Variants in METTL2A observed in about 807,000 individuals in gnomAD.
METTL2A encodes the protein methyltransferase 2A, tRNA N3-cytidine, also known as tRNA N(3)-cytidine methyltransferase METTL2A.
Under a neutral mutation model 49.4 loss-of-function variants are expected in METTL2A, and 45 were observed. The observed-to-expected ratio is 0.91, with a 90% confidence interval of 0.72 to 1.17. The LOEUF (loss-of-function observed/expected upper bound fraction) is 1.17, where lower values mean the gene tolerates loss of function less well. Among genes scored for constraint, METTL2A ranks in the 50% most tolerant of loss-of-function variants. The probability of loss-of-function intolerance (pLI) is 0.00; values close to 1 mark genes in which losing one functional copy is unlikely to be tolerated. For missense variants in METTL2A, 361 were observed against 462.2 expected, an observed-to-expected ratio of 0.78 and a Z score of 2.01; for synonymous variants, 118 against 167.5, an observed-to-expected ratio of 0.70 and a Z score of 2.28.
At position 62,448,856 on chromosome 17, in the gene METTL2A, T is replaced by G; in HGVS notation, c.*127T>G. 1.4e-6 allele frequency: 2 copies of G among 1,462,834 alleles called. No homozygotes were observed. Among genetic ancestry groups the G allele is most frequent in the East Asian group, 4.7e-5 (2 of 42,750 alleles). The allele number at this position is 1,462,834 out of a possible 1,614,324, so 90.6% of individuals were successfully genotyped here. ...ACTCAGGAGGCTGAGGCGGGGAGGA[T>G]CCATTGAGCCCAGCAGTCCAACCTG... On this transcript the variant is annotated 3_prime_UTR_variant, in exon 9 of 9. Transcript: ENST00000311506.
At chr17:62,447,383 G>A (rs1379564423) in intron 7 of METTL2A, among the ~76,000 whole-genome samples, 1 of 152,184 alleles carries the variant, frequency 6.6e-6, no homozygotes, top group African/African-American at 2.4e-5. Context: ...TCACGCCATT[G>A]CACCCAGCCT....
chr17:62,424,244 C>T lies in METTL2A; in HGVS notation c.136C>T (p.Gln46Ter). The change falls in exon 2 of 9, where the codon CAA becomes TAA. Residue 46 changes from glutamine to a stop codon, truncating the protein, a stop_gained. Coordinates refer to ENST00000311506, the MANE Select transcript of METTL2A (RefSeq NM_181725.4). LOFTEE classifies it high-confidence loss of function. ...AWDNVEWSEE[Q>*]AAAAERKVQE... ...GGACAATGTGGAGTGGTCGGAAGAG[C>T]AAGCCGCGGCGGCGGAGAGAAAAGT... The T allele has an allele frequency of 6.2e-7, 1 of 1,614,104 alleles. No individual in the cohort carries two copies. Among genetic ancestry groups the T allele is most frequent in the Non-Finnish European group, 8.5e-7 (1 of 1,180,000 alleles).
At chr17:62,428,114 A>T (rs1032777251) in intron 4 of METTL2A, among the ~76,000 whole-genome samples, 4 of 152,126 alleles carry the variant, frequency 2.6e-5, no homozygotes, top group African/African-American at 9.7e-5. Context: ...TTTTAATTTG[A>T]TTATCTTTGT....
intron 4 of METTL2A, among the ~76,000 whole-genome samples, chr17:62,433,709 C>T (rs894181259): frequency 6.6e-6 from 1 of 150,432 alleles, no homozygotes; most frequent in African/African-American, 2.5e-5. Flanking sequence ...CACTGTACTC[C>T]AGCCTGGGTG....
Position 62,439,214 on chromosome 17 carries a change from C to T in METTL2A, c.670-1403C>T, listed in dbSNP as rs1405988635. Among the ~76,000 whole-genome samples, 3 of 151,640 alleles carry T rather than the reference C, an allele frequency of 2.0e-5. No individual in the cohort carries two copies. In the South Asian group the frequency reaches 6.2e-4, roughly 32 times the overall value. On this transcript the variant is annotated intron_variant, in intron 5 of 8. Coordinates refer to ENST00000311506, the MANE Select transcript of METTL2A (RefSeq NM_181725.4). ...CAGGCTGGTTTTGAACTCCTGACCT[C>T]AGGTAATCCTCCCACCTCGACCTCC...
At chr17:62,439,874 G>A (rs1430244613) in intron 5 of METTL2A, among the ~76,000 whole-genome samples, 1 of 152,048 alleles carries the variant, frequency 6.6e-6, no homozygotes, top group Non-Finnish European at 1.5e-5. Context: ...ATAAAAGTAG[G>A]GGAGTCAGGA....
intron 5 of METTL2A, among the ~76,000 whole-genome samples, chr17:62,438,840 C>T (rs1424226398): frequency 6.6e-6 from 1 of 152,040 alleles, no homozygotes; most frequent in East Asian, 1.9e-4. Flanking sequence ...TGTTTTGAGA[C>T]AGGGTCTCAG....
At chr17:62,428,125 C>G (rs2070640728) in intron 4 of METTL2A, among the ~76,000 whole-genome samples, 1 of 152,216 alleles carries the variant, frequency 6.6e-6, no homozygotes, top group Non-Finnish European at 1.5e-5. Flanking sequence ...TTATCTTTGT[C>G]ATTTGGAAAA....
In METTL2A at chr17:62,435,311, T is replaced by C. The variant is rs2070693732; in HGVS notation, c.669+19T>C. The stretch of plus-strand genomic sequence containing the variant: ...GGTCCAGGTGAGTACAATGGGAAAT[T>C]ACCTATTGGTAATTTCCACTGATTA... On this transcript the variant is annotated intron_variant, in intron 5 of 8. Coordinates refer to ENST00000311506, the MANE Select transcript of METTL2A (RefSeq NM_181725.4). 1.2e-6 allele frequency: 2 copies of C among 1,613,952 alleles called. No homozygotes were observed. The highest frequency in any genetic ancestry group is 2.2e-5 in the South Asian group (2 of 91,062).
chr17:62,439,356 C>T (rs1443348329), intron 5 of METTL2A, among the ~76,000 whole-genome samples: 1 of 152,210 alleles, frequency 6.6e-6, no homozygotes, highest in Non-Finnish European at 1.5e-5. Flanking sequence ...CCTCCTGCCT[C>T]AGCCTCCCAG....
At position 62,444,911 on chromosome 17, in the gene METTL2A, G is replaced by T. The variant is rs375815689; in HGVS notation, c.884G>T (p.Arg295Leu). The stretch of plus-strand genomic sequence containing the variant: ...ATGATGCTTCTGCGAGATTACGGCC[G>T]CTATGACATGGCTCAGCTTCGGTTT... ...GGMMLLRDYG[R>L]YDMAQLRFKK... The change falls in exon 7 of 9, where the codon CGC becomes CTC. Residue 295 changes from arginine (R) to leucine (L), a missense_variant. This residue lies in a region of METTL2A where 183 missense variants were observed against 216.5 expected (regional missense o/e 0.85). Transcript: ENST00000311506. 2.4e-5 allele frequency: 38 copies of T among 1,613,780 alleles called. No homozygotes were observed. In the African/African-American group the frequency reaches 4.0e-4, roughly 17 times the overall value.
chr17:62,435,695 G>A (rs2070695916), intron 5 of METTL2A, among the ~76,000 whole-genome samples: 1 of 152,028 alleles, frequency 6.6e-6, no homozygotes, highest in Admixed American at 6.6e-5. Context: ...TGTGTAAGAC[G>A]GTCAACTTAA....
At chr17:62,435,485 C>A (rs896957432) in intron 5 of METTL2A, among the ~76,000 whole-genome samples, 193 bp downstream of exon 5, 17 of 152,184 alleles carry the variant, frequency 1.1e-4, no homozygotes, top group Non-Finnish European at 2.2e-4. Context: ...GATGTCGTAT[C>A]TGTTCATATA....
intron 4 of METTL2A, chr17:62,434,940 G>T (rs11658251): frequency 1.3e-4 from 54 of 411,540 alleles, no homozygotes; most frequent in Non-Finnish European, 2.0e-4. Flanking sequence ...ATCAAGCAAG[G>T]CTTCATTTGA....
chr17:62,429,508 C>G (rs1479091697), intron 4 of METTL2A, among the ~76,000 whole-genome samples: 1 of 152,076 alleles, frequency 6.6e-6, no homozygotes, highest in Non-Finnish European at 1.5e-5. Context: ...CCAGGCTGGT[C>G]TCAGACTCCT....
intron 7 of METTL2A, 48 bp from the exon 8 acceptor site, chr17:62,447,653 A>G: frequency 6.2e-7 from 1 of 1,607,866 alleles, no homozygotes; most frequent in East Asian, 2.2e-5. Flanking sequence ...AATGCGAGTC[A>G]AAGAAGTGCT....
chr17:62,435,024 T>G (rs2070691173), intron 4 of METTL2A: 1 of 600,096 alleles, frequency 1.7e-6, no homozygotes, highest in Admixed American at 3.2e-5. Context: ...TTTATAAACT[T>G]CATATTAGCT....
chr17:62,429,296 A>G (rs2070648814), intron 4 of METTL2A, among the ~76,000 whole-genome samples: 1 of 151,946 alleles, frequency 6.6e-6, no homozygotes, highest in Non-Finnish European at 1.5e-5. Context: ...GGAGTTCATT[A>G]TGAATAACAA....
chr17:62,438,402 C>A (rs2144147666), intron 5 of METTL2A, among the ~76,000 whole-genome samples: 1 of 134,180 alleles, frequency 7.5e-6, no homozygotes, highest in Admixed American at 7.7e-5. Flanking sequence ...AGTGAAACTC[C>A]ATCTCAAAAA....
Sources: gnomAD v4.1 joint callset for allele counts (sites outside exome capture counted in the v4.1 genomes callset) on GRCh38, gnomAD v4.1.1 for gene constraint, gnomAD v4.1.1 regional missense constraint, MANE v1.5 for transcripts, NCBI Gene and HGNC (gene_info 2026-07-23, HGNC 2026-07-21) for gene names.